Variants in SETBP1 observed in about 807,000 individuals in gnomAD.
SETBP1 encodes the protein SET-binding protein.
A neutral mutation model predicts 101.0 loss-of-function variants in SETBP1; 9 were observed. That is an observed-to-expected ratio of 0.09 (90% CI 0.05 to 0.16). The LOEUF is 0.16. Among genes scored for constraint, SETBP1 ranks in the 10% least tolerant of loss-of-function variants. The probability of loss-of-function intolerance (pLI) is 1.00; values close to 1 mark genes in which losing one functional copy is unlikely to be tolerated. For synonymous variants in SETBP1, 818 were observed against 788.5 expected (o/e 1.04, Z -0.63); for missense variants, 1,858 against 2,033.8 (o/e 0.91, Z 1.66).
At chr18:44,909,686 G>A (rs1426326908) in intron 3 of SETBP1, among the ~76,000 whole-genome samples, 1 of 152,178 alleles carries the variant, frequency 6.6e-6, no homozygotes, top group South Asian at 2.1e-4. Context: ...ACCTTCATAT[G>A]AAGTCAGCAC....
Position 44,707,078 on chromosome 18 carries a change from G to C in SETBP1, c.486+5246G>C, listed in dbSNP as rs1438332340. ...CCAGGCAGATCTTATTTATTTACAG[G>C]AACTTGAGGCTCAGATTGCTTCAAA... On this transcript the variant is annotated intron_variant, in intron 2 of 5. Transcript: ENST00000649279. 2.6e-5 allele frequency among the ~76,000 whole-genome samples: 4 copies of C among 152,260 alleles called. No individual in the cohort carries two copies. In the East Asian group the frequency reaches 7.7e-4, roughly 29 times the overall value.
intron 2 of SETBP1, among the ~76,000 whole-genome samples, chr18:44,816,235 T>C (rs1016490478): frequency 6.6e-6 from 1 of 151,970 alleles, no homozygotes; most frequent in African/African-American, 2.4e-5. Context: ...GGGAATCTAC[T>C]CATGGGTGGG....
chr18:44,967,028 A>T (rs2071735111), intron 4 of SETBP1, among the ~76,000 whole-genome samples: 1 of 152,186 alleles, frequency 6.6e-6, no homozygotes, highest in Non-Finnish European at 1.5e-5. Context: ...AAAATACAAA[A>T]CAACAGATTG....
At chr18:44,722,197 T>TG (rs969531361) in intron 2 of SETBP1, among the ~76,000 whole-genome samples, 1 of 152,172 alleles carries the variant, frequency 6.6e-6, no homozygotes, top group African/African-American at 2.4e-5. Flanking sequence ...CATAGATGTT[T>TG]GGGGGGCCTG....
chr18:44,850,929 G>C (rs192517257), intron 2 of SETBP1, among the ~76,000 whole-genome samples: 1 of 152,274 alleles, frequency 6.6e-6, no homozygotes, highest in African/African-American at 2.4e-5. Flanking sequence ...TCTGGAGACA[G>C]GTGCATACTC....
intron 2 of SETBP1, among the ~76,000 whole-genome samples, chr18:44,763,856 C>T (rs1279808960): frequency 1.3e-5 from 2 of 152,158 alleles, no homozygotes; most frequent in Non-Finnish European, 2.9e-5. Flanking sequence ...TTGCTGGTCC[C>T]TCTTTATCTC....
intron 4 of SETBP1, among the ~76,000 whole-genome samples, chr18:44,992,645 A>G (rs1285124346): frequency 6.6e-6 from 1 of 152,126 alleles, no homozygotes; most frequent in Admixed American, 6.5e-5. Context: ...ACTTAAAAAT[A>G]TCAATTCAAG....
In SETBP1 at chr18:44,875,864, A is replaced by T. The variant is rs922468975; in HGVS notation, c.540+6581A>T. Among the ~76,000 whole-genome samples, 6 of 152,196 alleles carry T rather than the reference A, an allele frequency of 3.9e-5. No individual in the cohort carries two copies. The East Asian group carries it at 1.2e-3, about 29-fold the overall frequency. On this transcript the variant is annotated intron_variant, in intron 3 of 5. Transcript: ENST00000649279. ...ATTTGAACTCAGGTAGTCTGGCTCC[A>T]ATATCTGTATTCTTAACCACTTATG...
At chr18:44,711,704 A>ATTT (rs11376628) in intron 2 of SETBP1, among the ~76,000 whole-genome samples, 16 of 125,620 alleles carry the variant, frequency 1.3e-4, no homozygotes, top group Non-Finnish European at 1.5e-4. Flanking sequence ...TTATCTTTAA[A>ATTT]TTTTTTTTTT....
chr18:44,690,459 G>A (rs2068911268), intron 1 of SETBP1, among the ~76,000 whole-genome samples: 1 of 152,244 alleles, frequency 6.6e-6, no homozygotes, highest in Non-Finnish European at 1.5e-5. Context: ...GTAGTGAGGT[G>A]AAAGAGAACT....
intron 2 of SETBP1, among the ~76,000 whole-genome samples, chr18:44,735,887 T>A (rs2069954928): frequency 6.6e-6 from 1 of 152,226 alleles, no homozygotes; most frequent in Admixed American, 6.5e-5. Flanking sequence ...TCCTTTTTCA[T>A]AAAACATCTG....
intron 2 of SETBP1, among the ~76,000 whole-genome samples, chr18:44,859,501 C>T (rs536602550): frequency 1.3e-3 from 199 of 152,336 alleles, no homozygotes; most frequent in Non-Finnish European, 2.1e-3. Context: ...GCTATGTCCA[C>T]ATTCCAGTTC....
At chr18:44,856,932 G>A (rs536341529) in intron 2 of SETBP1, among the ~76,000 whole-genome samples, 11 of 152,092 alleles carry the variant, frequency 7.2e-5, no homozygotes, top group South Asian at 2.1e-4. Context: ...GTGTAGCAAC[G>A]GTTCTTATGC....
intron 3 of SETBP1, among the ~76,000 whole-genome samples, chr18:44,914,476 A>T (rs2070382690): frequency 6.6e-6 from 1 of 152,254 alleles, no homozygotes; most frequent in Non-Finnish European, 1.5e-5. Context: ...TCAGGATCAA[A>T]GTCACAGTTT....
rs2145611128 is a variant in SETBP1, at chr18:45,068,430, A to T, written c.*4732A>T. ...AGATCAGGTTAGCACAGTATAGAGC[A>T]CTTAACTATTAAAAAAAAAAAGTTA... is the stretch of plus-strand genomic sequence containing the variant. On this transcript the variant is annotated 3_prime_UTR_variant, in exon 6 of 6. Transcript: ENST00000649279. 2.6e-5 allele frequency: 4 copies of T among 151,484 alleles called. No homozygotes were observed. In the South Asian group the frequency reaches 8.3e-4, roughly 31 times the overall value. The allele number at this position is 151,484 out of a possible 1,614,324, so 9.4% of individuals were successfully genotyped here. A position where few individuals can be genotyped will look rare whatever the true frequency, so the allele number is the denominator to read the frequency against.
rs142237127 is a variant in SETBP1, at chr18:44,830,869, A to G, written c.487-38361A>G. 1.1e-3 allele frequency among the ~76,000 whole-genome samples: 160 copies of G among 152,328 alleles called. 1 individual carries two copies. The highest frequency in any genetic ancestry group is 3.6e-3 in the African/African-American group (151 of 41,568). On this transcript the variant is annotated intron_variant, in intron 2 of 5. Transcript: ENST00000649279. Reference sequence around the variant, plus strand: ...TTGATTCCAAAAGTCTGGATTCACAAAACAGTACATTGTGTTTTCTCCAGT... The same window carrying G: ...TTGATTCCAAAAGTCTGGATTCACAGAACAGTACATTGTGTTTTCTCCAGT...
rs539286838 is a variant in SETBP1, at chr18:44,836,309, A to G, written c.487-32921A>G. ...GCTGCCTTCATTTTATTAGAGTCTC[A>G]TGCCTTTTCCCTAGTTAGGTTCTGT... On this transcript the variant is annotated intron_variant, in intron 2 of 5. Transcript: ENST00000649279. 2.5e-4 allele frequency among the ~76,000 whole-genome samples: 38 copies of G among 152,272 alleles called. No individual in the cohort carries two copies. The South Asian group carries it at 7.7e-3, about 31-fold the overall frequency.
In SETBP1 at chr18:44,820,865, A is replaced by T. The variant is rs115743851; in HGVS notation, c.487-48365A>T. Among the ~76,000 whole-genome samples the T allele has an allele frequency of 4.7e-3, 721 of 152,338 alleles. 5 individuals carry two copies. Among genetic ancestry groups the T allele is most frequent in the African/African-American group, 0.016 (668 of 41,572 alleles). ...CAAGGAGCTCACAATTTAGTGGGAAAAGGAAGATGGATAAAGAGTCACAAT... is the reference window on the plus strand; with the variant it reads ...CAAGGAGCTCACAATTTAGTGGGAATAGGAAGATGGATAAAGAGTCACAAT... On this transcript the variant is annotated intron_variant, in intron 2 of 5. Transcript: ENST00000649279.
At chr18:44,874,285 T>A (rs1013534857) in intron 3 of SETBP1, among the ~76,000 whole-genome samples, 1 of 152,260 alleles carries the variant, frequency 6.6e-6, no homozygotes, top group African/African-American at 2.4e-5. Flanking sequence ...ACTTTTCTGA[T>A]CATTTTTAAT....
Sources: gnomAD v4.1 joint callset for allele counts (sites outside exome capture counted in the v4.1 genomes callset) on GRCh38, gnomAD v4.1.1 for gene constraint, MANE v1.5 for transcripts, NCBI Gene and HGNC (gene_info 2026-07-23, HGNC 2026-07-21) for gene names.